The following KLF10 variants were observed in gnomAD, a reference collection of about 807,000 sequenced individuals.
KLF10 encodes the protein Krueppel-like factor 10.
Under a neutral mutation model 31.6 loss-of-function variants are expected in KLF10, and 17 were observed. The observed-to-expected ratio is 0.54, with a 90% CI of 0.37 to 0.81. The LOEUF (loss-of-function observed/expected upper bound fraction) is 0.81, where lower values mean the gene tolerates loss of function less well. Ranked by LOEUF, KLF10 falls within the 30% of genes least tolerant of loss-of-function variation. The pLI is 0.00. For missense variants in KLF10, 525 were observed against 598.1 expected (o/e 0.88, Z 1.27); for synonymous variants, 239 against 215.1 (o/e 1.11, Z -0.97).
Position 102,651,540 on chromosome 8 carries a change from T to G in KLF10, c.792A>C (p.Ala264=), listed in dbSNP as rs931464695. The G allele has an allele frequency of 1.2e-6, 2 of 1,613,854 alleles. No homozygotes were observed. Among genetic ancestry groups the G allele is most frequent in the Non-Finnish European group, 8.5e-7 (1 of 1,179,874 alleles). The change falls in exon 3 of 4, where the codon GCA becomes GCC. Residue 264 remains alanine, a synonymous_variant. Coordinates refer to ENST00000285407, the MANE Select transcript of KLF10 (RefSeq NM_005655.4). ...SVLVSPPAVS[A]GGVPPMPVIC... Reference sequence around the variant, plus strand: ...TGACCGGCATAGGTGGCACTCCCCCTGCAGATACTGCAGGTGGAGAGACCA... The same window carrying G: ...TGACCGGCATAGGTGGCACTCCCCCGGCAGATACTGCAGGTGGAGAGACCA...
At chr8:102,654,594 CGGCCCACGG>C (rs1402243366) in intron 1 of KLF10, among the ~76,000 whole-genome samples, 1 of 152,010 alleles carries the variant, frequency 6.6e-6, no homozygotes, top group East Asian at 1.9e-4. Context: ...CCCGCCCACG[CGGCCCACGG>C]GACCTCAGAC....
chr8:102,651,615 G>A lies in KLF10; in HGVS notation c.717C>T (p.Val239=), dbSNP rs533994983. The A allele has an allele frequency of 5.6e-6, 9 of 1,614,198 alleles. No homozygotes were observed. The African/African-American group carries it at 1.2e-4, about 22-fold the overall frequency. ...YDFSVPSSET[V]ICRSQPAPVS... ...CAGGGGCTGGCTGAGACCTGCAGAT[G>A]ACCGTCTCTGAGGAAGGCACAGAAA... Residue 239 remains valine (V), a synonymous_variant, in exon 3 of 4, where the codon GTC becomes GTT. Transcript: ENST00000285407.
At chr8:102,653,926 C>A (rs1313045025) in intron 1 of KLF10, 2 of 987,626 alleles carry the variant, frequency 2.0e-6, no homozygotes, top group East Asian at 2.3e-4. Context: ...GAGATCCTAG[C>A]TGGCGGAGAC....
In KLF10 at chr8:102,655,719, C is replaced by G. The variant is rs1027626699; in HGVS notation, c.-118G>C. On this transcript the variant is annotated 5_prime_UTR_variant, in exon 1 of 4. Coordinates refer to ENST00000285407, the MANE Select transcript of KLF10 (RefSeq NM_005655.4). ...CTCCCGCCGCCGCCGCGCTCAGCGC[C>G]GTCTGCCCCCTCCCCATTCAGGTAG... 1 of 1,188,420 alleles carries G rather than the reference C, an allele frequency of 8.4e-7. No homozygotes were observed. The allele number at this position is 1,188,420 out of a possible 1,614,324, so 73.6% of individuals were successfully genotyped here.
Position 102,651,141 on chromosome 8 carries a change from G to T in KLF10, c.1183+8C>A. The T allele has an allele frequency of 6.7e-7, 1 of 1,498,992 alleles. No homozygotes were observed. Among genetic ancestry groups the T allele is most frequent in the Middle Eastern group, 1.8e-4 (1 of 5,552 alleles). 92.9% of individuals were successfully genotyped at this position (1,498,992 alleles called of 1,614,324 possible). On this transcript the variant is annotated splice_region_variant and intron_variant, in intron 3 of 3. Transcript: ENST00000285407. ...TTAAACACTAAAGATATAAGAAGTG[G>T]CTGGTACCTGTGTGCGTCCTCGTGT...
In KLF10 at chr8:102,649,694, A is replaced by G. The variant is rs1327532983; in HGVS notation, c.*438T>C. On this transcript the variant is annotated 3_prime_UTR_variant, in exon 4 of 4. Coordinates refer to ENST00000285407, the MANE Select transcript of KLF10 (RefSeq NM_005655.4). ...ACAATATTTGTAATAATACAAACTC[A>G]TTTTACATCTCCATGTCTGTACCGT... 6.0e-6 allele frequency: 1 copy of G among 167,580 alleles called. No individual in the cohort carries two copies. The highest frequency in any genetic ancestry group is 1.3e-5 in the Non-Finnish European group (1 of 76,106). The allele number at this position is 167,580 out of a possible 1,614,324, so 10.4% of individuals were successfully genotyped here.
chr8:102,655,408 C>T (rs1229819111), intron 1 of KLF10, among the ~76,000 whole-genome samples, 158 bp downstream of exon 1: 1 of 152,208 alleles, frequency 6.6e-6, no homozygotes. Context: ...TCACTAATGC[C>T]CATAGTCTGC....
intron 1 of KLF10, among the ~76,000 whole-genome samples, chr8:102,654,772 C>A (rs995057785): frequency 1.3e-5 from 2 of 151,994 alleles, no homozygotes; most frequent in Non-Finnish European, 1.5e-5. Flanking sequence ...CAGCTCCCCC[C>A]GCCCACCTTC....
In KLF10 at chr8:102,652,294, G is replaced by C; in HGVS notation, c.140C>G (p.Ser47Ter). Residue 47 changes from serine (S) to a stop codon, truncating the protein, a stop_gained, in exon 2 of 4, where the codon TCA becomes TGA. Coordinates refer to ENST00000285407, the MANE Select transcript of KLF10 (RefSeq NM_005655.4). LOFTEE classifies it high-confidence loss of function. ...SDFEAVEALMSMSCSWKSDFK... is the reference protein window; with the variant it reads ...SDFEAVEALM ...ATCAGACTTCCAACTGCAGCTCATT[G>C]ACATAAGTGCTTCTACAGCTTCAAA... 6.2e-7 allele frequency: 1 copy of C among 1,613,296 alleles called. No individual in the cohort carries two copies. The highest frequency in any genetic ancestry group is 8.5e-7 in the Non-Finnish European group (1 of 1,179,448).
chr8:102,650,760 T>C (rs1180792219), intron 3 of KLF10, among the ~76,000 whole-genome samples: 1 of 152,146 alleles, frequency 6.6e-6, no homozygotes, highest in Non-Finnish European at 1.5e-5. Flanking sequence ...ACTTTAACTA[T>C]GATTCAAAGG....
chr8:102,653,582 A>C, intron 1 of KLF10: 1 of 1,399,342 alleles, frequency 7.1e-7, no homozygotes, highest in Non-Finnish European at 9.3e-7. Flanking sequence ...TATTCTCAAT[A>C]CTAGTTTTTC....
At chr8:102,654,066 T>G in intron 1 of KLF10, 1 of 779,414 alleles carries the variant, frequency 1.3e-6, no homozygotes, top group Non-Finnish European at 1.6e-6. Flanking sequence ...CGAGCCCGGA[T>G]TGGCTGTGCG....
chr8:102,653,958 C>G, intron 1 of KLF10: 1 of 986,784 alleles, frequency 1.0e-6, no homozygotes, highest in Non-Finnish European at 1.2e-6. Flanking sequence ...GCCGCCCTAA[C>G]CTCAATGAGG....
At chr8:102,654,273 C>T (rs1473061311) in intron 1 of KLF10, 1 of 145,274 alleles carries the variant, frequency 6.9e-6, no homozygotes, top group Non-Finnish European at 1.5e-5. Flanking sequence ...ACCGCCCGGC[C>T]GTGCGCGCCG....
In KLF10 at chr8:102,651,805, C is replaced by T. The variant is rs768115519; in HGVS notation, c.527G>A (p.Ser176Asn). 1 of 1,614,186 alleles carries T rather than the reference C, an allele frequency of 6.2e-7. No individual in the cohort carries two copies. The highest frequency in any genetic ancestry group is 8.5e-7 in the Non-Finnish European group (1 of 1,180,032). Reference sequence around the variant, plus strand: ...AGAATTGTTCTGATAGTTGAGGATGCTGGCTGCTTTCATTGGGCAGGTCTG... The same window carrying T: ...AGAATTGTTCTGATAGTTGAGGATGTTGGCTGCTTTCATTGGGCAGGTCTG... ...NHQTCPMKAA[S>N]ILNYQNNSFR... Residue 176 changes from serine (S) to asparagine (N), a missense_variant, in exon 3 of 4, where the codon AGC becomes AAC. This residue lies in a region of KLF10 where 434 missense variants were observed against 450.7 expected (regional missense o/e 0.96). Coordinates refer to ENST00000285407, the MANE Select transcript of KLF10 (RefSeq NM_005655.4).
chr8:102,651,688 T>C lies in KLF10; in HGVS notation c.644A>G (p.Asn215Ser). The change falls in exon 3 of 4, where the codon AAC becomes AGC. Residue 215 changes from asparagine to serine, a missense_variant. Physicochemically the swap from Asn to Ser is conservative, Grantham distance 46 (BLOSUM62 1). Coordinates refer to ENST00000285407, the MANE Select transcript of KLF10 (RefSeq NM_005655.4). ...TTTCTCATCAACATCTGCCACTGTG[T>C]TTCTCTCACATTTGGATCTGTTTGG... ...VSPNRSKCER[N>S]TVADVDEKAS... 1 of 1,614,222 alleles carries C rather than the reference T, an allele frequency of 6.2e-7. No homozygotes were observed. The highest frequency in any genetic ancestry group is 8.5e-7 in the Non-Finnish European group (1 of 1,180,042).
rs1215441964 is a variant in KLF10 at position 102,651,741 on chromosome 8, T to C, written c.591A>G (p.Arg197=). Reference sequence around the variant, plus strand: ...ACACAGCGGCACATGGTATGTTCTTTCTTGCAGCCTCAACATTTAGGTGGG... The same window carrying C: ...ACACAGCGGCACATGGTATGTTCTTCCTTGCAGCCTCAACATTTAGGTGGG... ...RRTHLNVEAA[R]KNIPCAAVSP... is the part of the protein sequence containing the mutation. The change falls in exon 3 of 4, where the codon AGA becomes AGG. Residue 197 remains arginine, a synonymous_variant. Transcript: ENST00000285407. 4 of 1,614,258 alleles carry C rather than the reference T, an allele frequency of 2.5e-6. No homozygotes were observed. Among genetic ancestry groups the C allele is most frequent in the African/African-American group, 1.3e-5 (1 of 75,070 alleles).
In KLF10 at chr8:102,652,245, T is replaced by A; in HGVS notation, c.189A>T (p.Arg63Ser). 6 of 1,613,390 alleles carry A rather than the reference T, an allele frequency of 3.7e-6. No homozygotes were observed. Among genetic ancestry groups the A allele is most frequent in the Non-Finnish European group, 5.1e-6 (6 of 1,179,554 alleles). ...KSDFKKYVENRPVTPVSDLSE... is the reference protein window; with the variant it reads ...KSDFKKYVENSPVTPVSDLSE... ...ACAAATCAGATACTGGTGTAACAGGTCTGTTTTCAACGTATTTCTTAAAAT... is the reference window on the plus strand; with the variant it reads ...ACAAATCAGATACTGGTGTAACAGGACTGTTTTCAACGTATTTCTTAAAAT... The change falls in exon 2 of 4, where the codon AGA becomes AGT. Residue 63 changes from arginine to serine, a missense_variant. Physicochemically the swap from Arg to Ser is moderately radical, Grantham distance 110 (BLOSUM62 -1). Coordinates refer to ENST00000285407, the MANE Select transcript of KLF10 (RefSeq NM_005655.4).
intron 1 of KLF10, chr8:102,653,907 A>T: frequency 1.0e-6 from 1 of 955,246 alleles, no homozygotes; most frequent in Non-Finnish European, 1.2e-6. Flanking sequence ...GCGGGGGCGG[A>T]CGGCGGGGGA....
Sources: allele counts gnomAD v4.1 joint callset (sites outside exome capture counted in the v4.1 genomes callset), GRCh38; gene constraint gnomAD v4.1.1; regional missense constraint gnomAD v4.1.1; transcripts MANE v1.5; gene names NCBI Gene and HGNC (gene_info 2026-07-23, HGNC 2026-07-21).